KCTD3: variants seen among roughly 807,000 people sequenced by gnomAD.
KCTD3 encodes the protein potassium channel tetramerization domain containing 3.
A neutral mutation model predicts 85.8 loss-of-function variants in KCTD3; 41 were observed. That is an observed-to-expected ratio of 0.48 (90% CI 0.37 to 0.62). The LOEUF (loss-of-function observed/expected upper bound fraction) is 0.62, where lower values mean the gene tolerates loss of function less well. Ranked by LOEUF, KCTD3 falls within the 20% of genes least tolerant of loss-of-function variation. The pLI is 0.00. For synonymous variants in KCTD3, 338 were observed against 345.4 expected (o/e 0.98, Z 0.24); for missense variants, 724 against 989.9 (o/e 0.73, Z 3.60).
intron 9 of KCTD3, among the ~76,000 whole-genome samples, chr1:215,588,645 A>T (rs1256848512): frequency 2.0e-5 from 3 of 152,094 alleles, no homozygotes; most frequent in African/African-American, 7.2e-5. Context: ...CACTTTGACT[A>T]TTTCAGCACT....
rs1247227655 is a variant in KCTD3 at position 215,595,427 on chromosome 1, A to G, written c.889A>G (p.Thr297Ala). 6.2e-7 allele frequency: 1 copy of G among 1,613,688 alleles called. No homozygotes were observed. The highest frequency in any genetic ancestry group is 8.5e-7 in the Non-Finnish European group (1 of 1,179,760). Residue 297 changes from threonine to alanine, a missense_variant, in exon 10 of 18, where the codon ACA becomes GCA. By Grantham distance (58) the Thr-to-Ala change is moderately conservative. This residue lies in a region of KCTD3 where 146 missense variants were observed against 320.3 expected (regional missense o/e 0.46). Transcript: ENST00000259154. ...TAACCAGTTGGTGGCCACGAGTCAT[A>G]CAGGGAAAGTGGGAGTGTGGAATGC... is the stretch of plus-strand genomic sequence containing the variant. The part of the protein sequence containing the change: ...IGNQLVATSH[T>A]GKVGVWNAVT...
At chr1:215,610,348 C>G (rs1159769564) in intron 14 of KCTD3, among the ~76,000 whole-genome samples, 2 of 151,802 alleles carry the variant, frequency 1.3e-5, no homozygotes, top group Non-Finnish European at 2.9e-5. Flanking sequence ...ATTCCTCCAA[C>G]TTTCTCCCTC....
At chr1:215,590,308 G>GT (rs1258112013) in intron 9 of KCTD3, among the ~76,000 whole-genome samples, 1 of 152,050 alleles carries the variant, frequency 6.6e-6, no homozygotes. Context: ...ATTTGTAAAT[G>GT]TTTTTTACAT....
chr1:215,587,399 A>C (rs1428818032), intron 9 of KCTD3, among the ~76,000 whole-genome samples: 1 of 152,048 alleles, frequency 6.6e-6, no homozygotes, highest in African/African-American at 2.4e-5. Flanking sequence ...AAAGTGCTGG[A>C]ATTACAGGCG....
At chr1:215,582,991 A>G (rs568060773) in intron 8 of KCTD3, among the ~76,000 whole-genome samples, 80 of 152,318 alleles carry the variant, frequency 5.3e-4, no homozygotes, top group African/African-American at 1.8e-3. Context: ...TAGTTGTTAT[A>G]GTTATTTTTA....
At position 215,567,729 on chromosome 1, in the gene KCTD3, G is replaced by C; in HGVS notation, c.44G>C (p.Gly15Ala). ...GGCAGCTTCCCCGCGGCGGCGGCCGGCAGCGGCGAGATCGTCCAACTGAAC... is the reference window on the plus strand; with the variant it reads ...GGCAGCTTCCCCGCGGCGGCGGCCGCCAGCGGCGAGATCGTCCAACTGAAC... ...HCGSFPAAAA[G>A]SGEIVQLNVG... Residue 15 changes from glycine (G) to alanine (A), a missense_variant, in exon 1 of 18, where the codon GGC becomes GCC. This residue lies in a region of KCTD3 where 97 missense variants were observed against 115.7 expected (regional missense o/e 0.84). Coordinates refer to ENST00000259154, the MANE Select transcript of KCTD3 (RefSeq NM_016121.5). 8.0e-7 allele frequency: 1 copy of C among 1,243,744 alleles called. No individual in the cohort carries two copies. The highest frequency in any genetic ancestry group is 1.0e-6 in the Non-Finnish European group (1 of 988,220). 77.0% of individuals were successfully genotyped at this position (1,243,744 alleles called of 1,614,324 possible). A position where few individuals can be genotyped will look rare whatever the true frequency, so the allele number is the denominator to read the frequency against.
At chr1:215,613,819 T>C (rs539909561) in intron 15 of KCTD3, among the ~76,000 whole-genome samples, 1 of 152,084 alleles carries the variant, frequency 6.6e-6, no homozygotes, top group South Asian at 2.1e-4. Flanking sequence ...GTATATGGCT[T>C]TGTTTTCTGG....
intron 10 of KCTD3, among the ~76,000 whole-genome samples, chr1:215,597,218 G>A (rs1654615925): frequency 1.3e-5 from 2 of 150,234 alleles, no homozygotes; most frequent in South Asian, 2.1e-4. Context: ...CTCTGATTTG[G>A]GTAAGAAAAG....
At chr1:215,612,630 C>T (rs1430124935) in intron 15 of KCTD3, among the ~76,000 whole-genome samples, 1 of 152,154 alleles carries the variant, frequency 6.6e-6, no homozygotes, top group Non-Finnish European at 1.5e-5. Context: ...TGGCAGACGG[C>T]TGAACTAATT....
chr1:215,569,789 A>T (rs1318879743), intron 1 of KCTD3, among the ~76,000 whole-genome samples: 2 of 152,002 alleles, frequency 1.3e-5, no homozygotes, highest in East Asian at 3.9e-4. Context: ...AATTTTTTCT[A>T]AGTGATATTA....
intron 8 of KCTD3, among the ~76,000 whole-genome samples, chr1:215,581,518 T>C (rs1370771141): frequency 1.3e-5 from 2 of 152,208 alleles, no homozygotes; most frequent in Admixed American, 1.3e-4. Context: ...AAATGATAAG[T>C]GATCCAAGTG....
At chr1:215,603,650 C>G (rs796171902) in intron 12 of KCTD3, among the ~76,000 whole-genome samples, 1 of 152,124 alleles carries the variant, frequency 6.6e-6, no homozygotes, top group African/African-American at 2.4e-5. Context: ...TAATTCTAGG[C>G]TAGACATAAT....
chr1:215,573,445 C>A (rs537983893), intron 1 of KCTD3, among the ~76,000 whole-genome samples: 23 of 151,920 alleles, frequency 1.5e-4, no homozygotes, highest in Non-Finnish European at 2.8e-4. Context: ...TGAGATGGAA[C>A]CTGAAGGTAA....
Position 215,586,620 on chromosome 1 carries a change from C to A in KCTD3, c.752C>A (p.Ala251Asp). The stretch of plus-strand genomic sequence containing the variant: ...CATGGAGACAAAGACAAAATGGTTG[C>A]TGTTGCCTCAGAGAGTAGCATCATC... ...GPHGDKDKMV[A>D]VASESSIILW... Residue 251 changes from alanine to aspartate, a missense_variant, in exon 9 of 18, where the codon GCT becomes GAT. Around this residue, in one of 6 missense-constraint regions of KCTD3, gnomAD observed 146 missense variants for 320.3 expected, o/e 0.46. Coordinates refer to ENST00000259154, the MANE Select transcript of KCTD3 (RefSeq NM_016121.5). The A allele has an allele frequency of 6.2e-7, 1 of 1,614,038 alleles. No individual in the cohort carries two copies. The highest frequency in any genetic ancestry group is 8.5e-7 in the Non-Finnish European group (1 of 1,179,974).
intron 9 of KCTD3, among the ~76,000 whole-genome samples, chr1:215,588,604 A>G (rs552256669): frequency 6.6e-6 from 1 of 152,208 alleles, no homozygotes; most frequent in Non-Finnish European, 1.5e-5. Flanking sequence ...GATGTTCTAG[A>G]ATAAGCCATG....
At chr1:215,590,753 T>A (rs1660177106) in intron 9 of KCTD3, among the ~76,000 whole-genome samples, 1 of 152,200 alleles carries the variant, frequency 6.6e-6, no homozygotes, top group Admixed American at 6.5e-5. Context: ...GTTCAGCTGT[T>A]TAATTTGTTA....
intron 10 of KCTD3, among the ~76,000 whole-genome samples, chr1:215,598,759 A>G (rs1251184745): frequency 6.6e-6 from 1 of 152,188 alleles, no homozygotes; most frequent in East Asian, 1.9e-4. Context: ...GAAAATTAGT[A>G]AATTGACAGA....
chr1:215,605,526 A>G (rs958034294), intron 13 of KCTD3, among the ~76,000 whole-genome samples: 1 of 152,122 alleles, frequency 6.6e-6, no homozygotes, highest in Non-Finnish European at 1.5e-5. Context: ...TTTGAATAGT[A>G]ATTATATGTC....
At chr1:215,574,500 A>G (rs1452912214) in intron 3 of KCTD3, among the ~76,000 whole-genome samples, 1 of 152,106 alleles carries the variant, frequency 6.6e-6, no homozygotes, top group Non-Finnish European at 1.5e-5. Flanking sequence ...TTTATTTTGG[A>G]GAATAACCTT....
Sources: allele counts gnomAD v4.1 joint callset (sites outside exome capture counted in the v4.1 genomes callset), GRCh38; gene constraint gnomAD v4.1.1; regional missense constraint gnomAD v4.1.1; transcripts MANE v1.5; gene names NCBI Gene and HGNC (gene_info 2026-07-23, HGNC 2026-07-21).